The following AMZ1 variants were observed in gnomAD, a reference collection of about 807,000 sequenced individuals.
AMZ1 encodes the protein archaemetzincin-1.
AMZ1 carries 39 observed loss-of-function variants against 29.9 expected under a neutral mutation model. The ratio of observed to expected loss-of-function variants is 1.30; its 90% CI spans 1.01 to 1.70. AMZ1 has a LOEUF of 1.70. Among genes scored for constraint, AMZ1 ranks in the 40% most tolerant of loss-of-function variants. AMZ1 has a pLI of 0.00. For synonymous variants in AMZ1, 458 were observed against 304.0 expected, an observed-to-expected ratio of 1.51 and a Z score of -5.27; for missense variants, 1,041 against 680.6, an observed-to-expected ratio of 1.53 and a Z score of -5.89.
chr7:2,741,338 G>C (rs534911116), intron 4 of AMZ1, among the ~76,000 whole-genome samples: 33 of 152,282 alleles, frequency 2.2e-4, no homozygotes, highest in African/African-American at 7.5e-4. Flanking sequence ...CTGGGCAACA[G>C]AGTGAGACAC....
chr7:2,683,447 GT>G (rs965606359), upstream of AMZ1, among the ~76,000 whole-genome samples: 2 of 148,710 alleles, frequency 1.3e-5, no homozygotes, highest in Non-Finnish European at 3.0e-5. Flanking sequence ...TTTTGTTTTT[GT>G]TTTTTTTGAG....
chr7:2,693,242 C>T (rs368713547), intron 1 of AMZ1, among the ~76,000 whole-genome samples: 1 of 152,100 alleles, frequency 6.6e-6, no homozygotes, highest in Non-Finnish European at 1.5e-5. Flanking sequence ...GCATGCGCCA[C>T]CACGCCCAGC....
intron 6 of AMZ1, among the ~76,000 whole-genome samples, chr7:2,710,271 CCT>C (rs1788686365): frequency 6.6e-6 from 1 of 152,224 alleles, no homozygotes; most frequent in South Asian, 2.1e-4. Flanking sequence ...TTCCTAACTC[CCT>C]CTGTCGCCTG....
chr7:2,680,549 C>T (rs941318010), intron 1 of AMZ1, among the ~76,000 whole-genome samples: 1 of 152,206 alleles, frequency 6.6e-6, no homozygotes, highest in African/African-American at 2.4e-5. Flanking sequence ...GCTGGGGTTG[C>T]TGGAGATGCC....
intron 6 of AMZ1, among the ~76,000 whole-genome samples, chr7:2,711,752 T>C (rs1451045817): frequency 1.3e-5 from 2 of 152,190 alleles, no homozygotes; most frequent in African/African-American, 4.8e-5. Context: ...TATTTAATTA[T>C]ACGCTTTCTG....
intron 1 of AMZ1, among the ~76,000 whole-genome samples, chr7:2,689,431 GGAA>G (rs1787256829): frequency 6.6e-6 from 1 of 152,208 alleles, no homozygotes; most frequent in Non-Finnish European, 1.5e-5. Flanking sequence ...AAGGGGAGGA[GGAA>G]GGAGAAGCGT....
At chr7:2,751,826 A>C (rs1791054660) in intron 4 of AMZ1, among the ~76,000 whole-genome samples, 1 of 152,220 alleles carries the variant, frequency 6.6e-6, no homozygotes, top group South Asian at 2.1e-4. Context: ...GAAATAGAAA[A>C]TTTGAACAGC....
At chr7:2,759,589 A>G (rs946648496) in intron 4 of AMZ1, among the ~76,000 whole-genome samples, 1 of 152,196 alleles carries the variant, frequency 6.6e-6, no homozygotes, top group African/African-American at 2.4e-5. Flanking sequence ...AGTGGCTCAC[A>G]TGGGGTTTAT....
Position 2,718,680 on chromosome 7 carries a change from C to G in AMZ1, c.*5802C>G, listed in dbSNP as rs1033019630. On this transcript the variant is annotated 3_prime_UTR_variant, in exon 7 of 7. Transcript: ENST00000683327. ...TCTTCACCATTTCTTCCAACACTTT[C>G]TCACGTAGGAGCTCCACTGTCCCTT... is the stretch of plus-strand genomic sequence containing the variant. Among the ~76,000 whole-genome samples the G allele has an allele frequency of 2.0e-5, 3 of 152,226 alleles. No individual in the cohort carries two copies. Among genetic ancestry groups the G allele is most frequent in the African/African-American group, 4.8e-5 (2 of 41,454 alleles).
intron 4 of AMZ1, among the ~76,000 whole-genome samples, chr7:2,759,215 G>A (rs1357814689): frequency 6.6e-6 from 1 of 151,754 alleles, no homozygotes; most frequent in South Asian, 2.1e-4. Flanking sequence ...CCCCATGATG[G>A]ATCTCAAAAT....
intron 4 of AMZ1, among the ~76,000 whole-genome samples, chr7:2,738,485 A>T (rs1275404581): frequency 6.6e-6 from 1 of 152,214 alleles, no homozygotes; most frequent in Non-Finnish European, 1.5e-5. Flanking sequence ...CCAAAGGAAA[A>T]GCACAAGGCA....
At chr7:2,735,812 C>G (rs983992181) in intron 4 of AMZ1, among the ~76,000 whole-genome samples, 7 of 152,140 alleles carry the variant, frequency 4.6e-5, no homozygotes, top group African/African-American at 1.7e-4. Context: ...CGAGAAACAG[C>G]CCAGGGGGTC....
downstream of AMZ1, among the ~76,000 whole-genome samples, chr7:2,721,134 A>G (rs1271520786): frequency 6.6e-6 from 1 of 152,170 alleles, no homozygotes; most frequent in Non-Finnish European, 1.5e-5. Context: ...GTGGCGCGGG[A>G]GGTTCCTGCC....
Position 2,700,346 on chromosome 7 carries a change from C to T in AMZ1, c.-106C>T, listed in dbSNP as rs1027472926. The T allele has an allele frequency of 2.1e-5, 29 of 1,352,470 alleles. No homozygotes were observed. The highest frequency in any genetic ancestry group is 2.7e-4 in the Middle Eastern group (1 of 3,764). 83.8% of individuals were successfully genotyped at this position (1,352,470 alleles called of 1,614,324 possible). On this transcript the variant is annotated 5_prime_UTR_variant, in exon 2 of 7. Coordinates refer to ENST00000683327, the MANE Select transcript of AMZ1 (RefSeq NM_001384743.1). ...CTGCAGGGAGCCCCCGGTAGCCACTCGGATCAGCCCGAGGGAAGATTCTGG... is the reference window on the plus strand; with the variant it reads ...CTGCAGGGAGCCCCCGGTAGCCACTTGGATCAGCCCGAGGGAAGATTCTGG...
At chr7:2,727,337 C>T (rs568954457) in intron 4 of AMZ1, among the ~76,000 whole-genome samples, 1 of 152,196 alleles carries the variant, frequency 6.6e-6, no homozygotes, top group African/African-American at 2.4e-5. Flanking sequence ...GCCTCGGACT[C>T]TCAAAGTGCT....
At chr7:2,723,725 C>A (rs1015863451), downstream of AMZ1, among the ~76,000 whole-genome samples, 2 of 152,236 alleles carry the variant, frequency 1.3e-5, no homozygotes, top group Non-Finnish European at 2.9e-5. Context: ...TGGAGGCCTG[C>A]AGGTCAGGCA....
intron 4 of AMZ1, among the ~76,000 whole-genome samples, chr7:2,754,875 C>T (rs1791216840): frequency 6.6e-6 from 1 of 152,126 alleles, no homozygotes; most frequent in Non-Finnish European, 1.5e-5. Flanking sequence ...AGTTCTAGGC[C>T]CCAAGGAGTT....
At chr7:2,762,687 C>A, upstream of AMZ1, 1 of 1,583,156 alleles carries the variant, frequency 6.3e-7, no homozygotes, top group South Asian at 1.2e-5. Flanking sequence ...AAAGAAACCA[C>A]GCTGCCCGGG....
chr7:2,706,143 G>A (rs1237644092), intron 3 of AMZ1, among the ~76,000 whole-genome samples: 1 of 152,244 alleles, frequency 6.6e-6, no homozygotes, highest in Non-Finnish European at 1.5e-5. Context: ...CAGAGGGTAT[G>A]CCAGGTTGCA....
Sources: gnomAD v4.1 joint callset for allele counts (sites outside exome capture counted in the v4.1 genomes callset) on GRCh38, gnomAD v4.1.1 for gene constraint, MANE v1.5 for transcripts, NCBI Gene and HGNC (gene_info 2026-07-23, HGNC 2026-07-21) for gene names.